RYR1: variants seen among roughly 807,000 people sequenced by gnomAD.
RYR1 encodes the protein central core disease of muscle.
In RYR1, 342 loss-of-function variants were observed where a neutral mutation model predicts 583.5. The observed-to-expected ratio is 0.59, with a 90% CI of 0.54 to 0.64. RYR1 has a LOEUF of 0.64. Ranked by LOEUF, RYR1 falls within the 30% of genes least tolerant of loss-of-function variation. RYR1 has a pLI of 0.00. For synonymous variants in RYR1, 2,791 were observed against 2,822.5 expected, an observed-to-expected ratio of 0.99 and a Z score of 0.35; for missense variants, 6,032 against 6,917.2, an observed-to-expected ratio of 0.87 and a Z score of 4.54.
intron 9 of RYR1, among the ~76,000 whole-genome samples, chr19:38,447,030 C>T (rs1328086204): frequency 6.6e-6 from 1 of 151,546 alleles, no homozygotes; most frequent in Non-Finnish European, 1.5e-5. Context: ...TCATGAGACC[C>T]CCGTCTCTGC....
intron 101 of RYR1, among the ~76,000 whole-genome samples, chr19:38,581,793 T>TGG (rs561053716): frequency 6.0e-5 from 9 of 150,990 alleles, no homozygotes; most frequent in Non-Finnish European, 1.2e-4. Flanking sequence ...GAGATGGAGG[T>TGG]GGGGGGGTCT....
chr19:38,442,205 G>A, intron 2 of RYR1, 144 bp from the exon 3 acceptor site: 3 of 674,964 alleles, frequency 4.4e-6, no homozygotes, highest in Admixed American at 4.2e-5. Flanking sequence ...GGATGGCAGA[G>A]GGCAGGGCCT....
At position 38,476,189 on chromosome 19, in the gene RYR1, A is replaced by AT. The variant is rs1968715112; in HGVS notation, c.4293+744dup. Among the ~76,000 whole-genome samples the AT allele has an allele frequency of 2.0e-5, 3 of 151,436 alleles. No individual in the cohort carries two copies. The South Asian group carries it at 6.3e-4, about 32-fold the overall frequency. On this transcript the variant is annotated intron_variant, in intron 29 of 105. Transcript: ENST00000359596. ...AGGCTCCTGCCACCATGCCCAGCTA[A>AT]TTTTTGTTTTCTGTTTTTTGTTTTT...
intron 34 of RYR1, among the ~76,000 whole-genome samples, chr19:38,487,771 C>T (rs1001359822): frequency 2.0e-5 from 3 of 152,070 alleles, no homozygotes; most frequent in Non-Finnish European, 4.4e-5. Flanking sequence ...ATAGCTGGGA[C>T]TACAGGTGTG....
Position 38,505,337 on chromosome 19 carries a change from A to G in RYR1, c.8339A>G (p.Asn2780Ser). 6 of 1,612,330 alleles carry G rather than the reference A, an allele frequency of 3.7e-6. No individual in the cohort carries two copies. Among genetic ancestry groups the G allele is most frequent in the Non-Finnish European group, 5.1e-6 (6 of 1,179,234 alleles). Residue 2780 changes from asparagine to serine, a missense_variant, in exon 53 of 106, where the codon AAC (asparagine) becomes AGC (serine). By Grantham distance (46) the Asn-to-Ser change is conservative (BLOSUM62 1). Coordinates refer to ENST00000359596, the MANE Select transcript of RYR1 (RefSeq NM_000540.3). Reference protein sequence around the residue: ...KIQNNWSYGENIDEELKTHPM... With the variant: ...KIQNNWSYGESIDEELKTHPM... ...CAGAACAACTGGTCCTATGGAGAGAACATAGACGAGGAGCTGAAGACCCAC... is the reference window on the plus strand; with the variant it reads ...CAGAACAACTGGTCCTATGGAGAGAGCATAGACGAGGAGCTGAAGACCCAC...
At chr19:38,514,260 T>C (rs1970853035) in intron 63 of RYR1, among the ~76,000 whole-genome samples, 2 of 149,586 alleles carry the variant, frequency 1.3e-5, no homozygotes, top group Admixed American at 1.4e-4. Flanking sequence ...TGAGACCCCA[T>C]CTCTAAAAAA....
In RYR1 at chr19:38,489,231, C is replaced by G. The variant is rs780420316; in HGVS notation, c.5602C>G (p.Pro1868Ala). The change falls in exon 35 of 106, where the codon CCT (proline) becomes GCT (alanine). Residue 1868 changes from proline (P) to alanine (A), a missense_variant. Coordinates refer to ENST00000359596, the MANE Select transcript of RYR1 (RefSeq NM_000540.3). ...DVKQILKMIEPEVFTEEEEEE... is the reference protein window; with the variant it reads ...DVKQILKMIEAEVFTEEEEEE... ...GAAACAGATCTTGAAGATGATTGAG[C>G]CTGAGGTCTTCACTGAGGAAGAAGA... 1.7e-5 allele frequency: 27 copies of G among 1,613,508 alleles called. No individual in the cohort carries two copies. The highest frequency in any genetic ancestry group is 4.5e-5 in the East Asian group (2 of 44,860).
intron 20 of RYR1, 129 bp downstream of exon 20, chr19:38,460,720 G>A (rs1021900076): frequency 1.1e-6 from 1 of 888,526 alleles, no homozygotes; most frequent in Non-Finnish European, 1.8e-6. Context: ...GCTCACGCCT[G>A]TAAGCCCAGC....
chr19:38,549,070 T>C lies in RYR1; in HGVS notation c.12282+650T>C, dbSNP rs562373084. On this transcript the variant is annotated intron_variant, in intron 89 of 105. Transcript: ENST00000359596. ...ACTATTGACGCATCAATGACCAAGA[T>C]AGACACAGCCCGTGCTTTCATGGGT... is the stretch of plus-strand genomic sequence containing the variant. Among the ~76,000 whole-genome samples the C allele has an allele frequency of 2.0e-5, 3 of 152,306 alleles. No homozygotes were observed. The East Asian group carries it at 5.8e-4, about 29-fold the overall frequency.
At chr19:38,503,061 C>A in intron 49 of RYR1, 91 bp downstream of exon 49, 1 of 1,265,288 alleles carries the variant, frequency 7.9e-7, no homozygotes, top group Non-Finnish European at 1.1e-6. Flanking sequence ...TGTGTCGGCA[C>A]TGCCCAGCCC....
In RYR1 at chr19:38,496,474, C is replaced by T; in HGVS notation, c.6729C>T (p.Ser2243=). The T allele has an allele frequency of 1.2e-6, 2 of 1,613,698 alleles. No homozygotes were observed. Among genetic ancestry groups the T allele is most frequent in the Non-Finnish European group, 1.7e-6 (2 of 1,180,010 alleles). ...TCCTCTGCTATTTCTGCCGAATCAG[C>T]CGGCAGAACCAGCGCTCCATGTTTG... The part of the protein sequence containing the change: ...CRFLCYFCRI[S]RQNQRSMFDH... The change falls in exon 41 of 106, where the codon AGC becomes AGT. Residue 2243 remains serine, a synonymous_variant. Coordinates refer to ENST00000359596, the MANE Select transcript of RYR1 (RefSeq NM_000540.3). This position sits in a 1 kb window ranked among gnomAD's most constrained non-coding sequence, Gnocchi z 4.8.
rs374673518 is a variant in RYR1 at position 38,494,854 on chromosome 19, T to C, written c.6548+229T>C. On this transcript the variant is annotated intron_variant, in intron 39 of 105. Transcript: ENST00000359596. The stretch of plus-strand genomic sequence containing the variant: ...CAGCAGGACATTCCCCACCCCCCCC[T>C]TTTTTTTTTTTTTTGTGAGACTGAG... Among the ~76,000 whole-genome samples the C allele has an allele frequency of 7.9e-3, 694 of 88,058 alleles. 3 individuals carry two copies. The highest frequency in any genetic ancestry group is 0.035 in the Middle Eastern group (6 of 170). The allele number at this position is 88,058 out of a possible 152,430, so 57.8% of individuals were successfully genotyped here.
chr19:38,438,031 A>T (rs1255102678), intron 1 of RYR1, among the ~76,000 whole-genome samples: 2 of 150,250 alleles, frequency 1.3e-5, no homozygotes, highest in African/African-American at 4.9e-5. Context: ...CCATGCAAGT[A>T]TCTCTCTGAC....
Position 38,573,167 on chromosome 19 carries a change from C to T in RYR1, c.13999-10C>T. 6.2e-7 allele frequency: 1 copy of T among 1,613,682 alleles called. No homozygotes were observed. Among genetic ancestry groups the T allele is most frequent in the Non-Finnish European group, 8.5e-7 (1 of 1,179,730 alleles). ...CTGACGCCCACCTTTGGCCTCCTCC[C>T]ACTATCCAGGTGCCCCTGGTAATCT... On this transcript the variant is annotated splice_polypyrimidine_tract_variant and intron_variant, in intron 95 of 105. Transcript: ENST00000359596.
At chr19:38,556,968 T>C (rs1972903789) in intron 89 of RYR1, among the ~76,000 whole-genome samples, 1 of 152,150 alleles carries the variant, frequency 6.6e-6, no homozygotes, top group South Asian at 2.1e-4. Context: ...AGGCACCTCC[T>C]TTCCAGATGC....
At position 38,469,027 on chromosome 19, in the gene RYR1, T is replaced by C; in HGVS notation, c.3443T>C (p.Val1148Ala). 1 of 1,614,178 alleles carries C rather than the reference T, an allele frequency of 6.2e-7. No individual in the cohort carries two copies. The highest frequency in any genetic ancestry group is 1.1e-5 in the South Asian group (1 of 91,084). Residue 1148 changes from valine (V) to alanine (A), a missense_variant, in exon 26 of 106, where the codon GTT becomes GCT. Coordinates refer to ENST00000359596, the MANE Select transcript of RYR1 (RefSeq NM_000540.3). ...FGRPWQPGDV[V>A]GCMIDLTENT... ...CGCCCCTGGCAGCCGGGCGATGTCGTTGGCTGTATGATCGACCTCACAGAG... is the reference window on the plus strand; with the variant it reads ...CGCCCCTGGCAGCCGGGCGATGTCGCTGGCTGTATGATCGACCTCACAGAG...
intron 33 of RYR1, among the ~76,000 whole-genome samples, chr19:38,484,641 G>A (rs919135951): frequency 6.6e-6 from 1 of 151,994 alleles, no homozygotes; most frequent in Non-Finnish European, 1.5e-5. Context: ...CATCCCCAGG[G>A]CCCCAGACAC....
Position 38,444,551 on chromosome 19 carries a change from C to T in RYR1, c.538-33C>T, listed in dbSNP as rs778254571. On this transcript the variant is annotated intron_variant, in intron 6 of 105. Coordinates refer to ENST00000359596, the MANE Select transcript of RYR1 (RefSeq NM_000540.3). This position sits in a 1 kb window ranked among gnomAD's most constrained non-coding sequence, Gnocchi z 5.1. Reference sequence around the variant, plus strand: ...TGGGACTCTCGCCCACCCCTGCAATCGTCTCTGACTGCCGCATCCTGGTGG... The same window carrying T: ...TGGGACTCTCGCCCACCCCTGCAATTGTCTCTGACTGCCGCATCCTGGTGG... 8.8e-6 allele frequency: 14 copies of T among 1,594,262 alleles called. No homozygotes were observed. In the South Asian group the frequency reaches 1.1e-4, roughly 13 times the overall value.
intron 38 of RYR1, among the ~76,000 whole-genome samples, 164 bp downstream of exon 38, chr19:38,492,800 G>A (rs1330855645): frequency 6.6e-6 from 1 of 152,078 alleles, no homozygotes; most frequent in East Asian, 1.9e-4. Flanking sequence ...CAGGCGTGGT[G>A]GCTCACGCCT....
Sources: allele counts gnomAD v4.1 joint callset (sites outside exome capture counted in the v4.1 genomes callset), GRCh38; gene constraint gnomAD v4.1.1; non-coding constraint Gnocchi (gnomAD v3.1); transcripts MANE v1.5; gene names NCBI Gene and HGNC (gene_info 2026-07-23, HGNC 2026-07-21).